OPCML: variants seen among roughly 807,000 people sequenced by gnomAD.
OPCML encodes the protein opioid-binding protein/cell adhesion molecule.
OPCML carries 13 observed loss-of-function variants against 37.8 expected under a neutral mutation model. That is an observed-to-expected ratio of 0.34 (90% CI 0.22 to 0.55). The LOEUF is 0.55. Among genes scored for constraint, OPCML ranks in the 20% least tolerant of loss-of-function variants. The probability of loss-of-function intolerance (pLI) is 0.91; values close to 1 mark genes in which losing one functional copy is unlikely to be tolerated. For missense variants in OPCML, 341 were observed against 435.6 expected (o/e 0.78, Z 1.93); for synonymous variants, 176 against 168.8 (o/e 1.04, Z -0.33).
chr11:133,168,914 A>G (rs1565483446), intron 1 of OPCML, among the ~76,000 whole-genome samples: 1 of 144,966 alleles, frequency 6.9e-6, no homozygotes. Flanking sequence ...GGGTCACCTG[A>G]GGTCAGGAGT....
At chr11:133,176,452 C>A (rs1937600618) in intron 1 of OPCML, among the ~76,000 whole-genome samples, 1 of 151,404 alleles carries the variant, frequency 6.6e-6, no homozygotes, top group Admixed American at 6.6e-5. Context: ...AATGTAATTC[C>A]CAATGTTGGA....
intron 2 of OPCML, among the ~76,000 whole-genome samples, chr11:132,920,889 G>A (rs542406583): frequency 1.6e-3 from 245 of 152,168 alleles, no homozygotes; most frequent in Middle Eastern, 0.014. Context: ...CATTAATCTC[G>A]GCTATCTCCT....
chr11:132,475,421 G>T (rs879415575), intron 4 of OPCML, among the ~76,000 whole-genome samples: 1 of 152,156 alleles, frequency 6.6e-6, no homozygotes, highest in Non-Finnish European at 1.5e-5. Context: ...CTAACCTCCA[G>T]CATCTCAGAA....
intron 2 of OPCML, among the ~76,000 whole-genome samples, chr11:132,817,687 T>G (rs1939710592): frequency 6.6e-6 from 1 of 152,022 alleles, no homozygotes; most frequent in African/African-American, 2.4e-5. Context: ...ATTTAAATTT[T>G]AGAGGCAAAA....
chr11:133,288,962 C>T (rs1434384994), intron 1 of OPCML, among the ~76,000 whole-genome samples: 4 of 152,150 alleles, frequency 2.6e-5, no homozygotes, highest in East Asian at 3.9e-4. Context: ...CAGTGCTGGG[C>T]CCAACCCATC....
rs138032015 is a variant in OPCML, at chr11:132,738,999, G to A, written c.147-81680C>T. Among the ~76,000 whole-genome samples, 258 of 152,128 alleles carry A rather than the reference G, an allele frequency of 1.7e-3. 2 individuals carry two copies. Among genetic ancestry groups the A allele is most frequent in the Non-Finnish European group, 2.1e-3 (140 of 68,002 alleles). On this transcript the variant is annotated intron_variant, in intron 2 of 7. Transcript: ENST00000524381. ...AGATGGAAAAAAAAGCCTCCCACCC[G>A]CTAACCCCAGCACGTTTGCGTAAAA...
intron 1 of OPCML, among the ~76,000 whole-genome samples, chr11:133,474,599 T>C (rs1947193165): frequency 6.6e-6 from 1 of 152,180 alleles, no homozygotes; most frequent in South Asian, 2.1e-4. Flanking sequence ...CAAGCCCTGC[T>C]GCGGCTGGGG....
At chr11:133,251,377 C>T (rs868609207) in intron 1 of OPCML, among the ~76,000 whole-genome samples, 1 of 152,062 alleles carries the variant, frequency 6.6e-6, no homozygotes, top group Middle Eastern at 3.4e-3. Context: ...TGGAGCCAAT[C>T]GTGTAGGGCA....
intron 1 of OPCML, among the ~76,000 whole-genome samples, chr11:132,975,877 TCTC>T (rs1379754860): frequency 6.6e-6 from 1 of 152,072 alleles, no homozygotes; most frequent in Non-Finnish European, 1.5e-5. Context: ...TTCACACCAT[TCTC>T]CTGCCTCAGC....
intron 1 of OPCML, among the ~76,000 whole-genome samples, chr11:133,498,490 G>C (rs888330046): frequency 6.6e-6 from 1 of 152,186 alleles, no homozygotes; most frequent in Admixed American, 6.5e-5. Flanking sequence ...ACAATATCGC[G>C]CAGGGCCCCT....
intron 3 of OPCML, among the ~76,000 whole-genome samples, chr11:132,549,265 G>A (rs921248778): frequency 3.9e-5 from 6 of 152,138 alleles, no homozygotes; most frequent in African/African-American, 1.4e-4. Flanking sequence ...CCAGCGCCTT[G>A]GTAATTTACA....
Position 132,876,688 on chromosome 11 carries a change from C to T in OPCML, c.146+66238G>A, listed in dbSNP as rs549857463. Among the ~76,000 whole-genome samples, 13 of 152,242 alleles carry T rather than the reference C, an allele frequency of 8.5e-5. No individual in the cohort carries two copies. In the South Asian group the frequency reaches 1.9e-3, roughly 22 times the overall value. On this transcript the variant is annotated intron_variant, in intron 2 of 7. Transcript: ENST00000524381. ...AATGGTAGGGTATTTGGCAAGGCCC[C>T]GGATGAGCTATCACCCCAGTTTTAT...
At chr11:133,329,531 A>G (rs965153511) in intron 1 of OPCML, among the ~76,000 whole-genome samples, 3 of 152,340 alleles carry the variant, frequency 2.0e-5, no homozygotes, top group East Asian at 1.9e-4. Context: ...ATAATGCCGC[A>G]TATCTACAAC....
intron 7 of OPCML, among the ~76,000 whole-genome samples, chr11:132,423,399 C>T (rs1018221247): frequency 6.6e-6 from 1 of 152,236 alleles, no homozygotes; most frequent in Non-Finnish European, 1.5e-5. Context: ...GCTAGCATCA[C>T]TTTCCTCATA....
intron 2 of OPCML, among the ~76,000 whole-genome samples, chr11:132,854,683 A>G (rs1941977843): frequency 6.6e-6 from 1 of 152,270 alleles, no homozygotes; most frequent in Admixed American, 6.5e-5. Flanking sequence ...GCCAAATAGT[A>G]TTCCATAATG....
chr11:132,654,359 A>T (rs932823879), intron 3 of OPCML, among the ~76,000 whole-genome samples: 2 of 152,240 alleles, frequency 1.3e-5, no homozygotes, highest in Non-Finnish European at 2.9e-5. Flanking sequence ...GCTTCTCCCC[A>T]AGAGAACGTC....
At chr11:132,964,381 C>T (rs371669944) in intron 1 of OPCML, among the ~76,000 whole-genome samples, 15 of 152,232 alleles carry the variant, frequency 9.9e-5, no homozygotes, top group African/African-American at 3.1e-4. Context: ...TTGGACTTTG[C>T]GATCAATCCT....
At chr11:133,458,805 A>G (rs566405883) in intron 1 of OPCML, among the ~76,000 whole-genome samples, 5 of 150,210 alleles carry the variant, frequency 3.3e-5, no homozygotes, top group African/African-American at 9.9e-5. Context: ...GTGTGTGTGT[A>G]TATACACATA....
chr11:133,511,034 A>G (rs1026319319), intron 1 of OPCML, among the ~76,000 whole-genome samples: 2 of 152,192 alleles, frequency 1.3e-5, no homozygotes, highest in African/African-American at 4.8e-5. Context: ...TTCCACCAAT[A>G]GAACTCCATT....
Sources: allele counts gnomAD v4.1 joint callset (sites outside exome capture counted in the v4.1 genomes callset), GRCh38; gene constraint gnomAD v4.1.1; transcripts MANE v1.5; gene names NCBI Gene and HGNC (gene_info 2026-07-23, HGNC 2026-07-21).